NEBL: variants seen among roughly 807,000 people sequenced by gnomAD.
NEBL encodes the protein nebulette.
A neutral mutation model predicts 140.2 loss-of-function variants in NEBL; 122 were observed. The observed-to-expected ratio is 0.87, with a 90% confidence interval of 0.75 to 1.01. NEBL has a LOEUF of 1.01. Among genes scored for constraint, NEBL ranks in the 50% least tolerant of loss-of-function variants. The pLI is 0.00. For missense variants in NEBL, 1,365 were observed against 1,231.3 expected, an observed-to-expected ratio of 1.11 and a Z score of -1.62; for synonymous variants, 436 against 398.9, an observed-to-expected ratio of 1.09 and a Z score of -1.11.
At chr10:20,787,012 C>T (rs1011869030) in intron 27 of NEBL, among the ~76,000 whole-genome samples, 190 bp downstream of exon 27, 5 of 152,166 alleles carry the variant, frequency 3.3e-5, no homozygotes, top group Admixed American at 2.6e-4. Context: ...TTAATGCCTT[C>T]CTTTCTCAAC....
Position 21,173,849 on chromosome 10 carries a change from GGGCGGC to G in NEBL, c.-22_-17del. ...GGGGGTTCATGATCGCGGTTCCCGGGGGCGGCGGCGGCGGCGGCTGCTGGCTCCCAG... is the reference window on the plus strand; with the variant it reads ...GGGGGTTCATGATCGCGGTTCCCGGGGGCGGCGGCGGCTGCTGGCTCCCAG... On this transcript the variant is annotated 5_prime_UTR_variant, in exon 1 of 7. Transcript: ENST00000417816. The surrounding 1 kb of genome is among the most constrained non-coding windows in gnomAD (Gnocchi z 5.7). 1 of 1,609,086 alleles carries G rather than the reference GGGCGGC, an allele frequency of 6.2e-7. No individual in the cohort carries two copies.
At chr10:21,049,987 A>G (rs1013562530) in intron 2 of NEBL, among the ~76,000 whole-genome samples, 4 of 152,230 alleles carry the variant, frequency 2.6e-5, no homozygotes, top group African/African-American at 9.6e-5. Flanking sequence ...CAAAGTGAAC[A>G]TGAAAGGTTA....
chr10:21,130,052 GA>G (rs1477514124), intron 2 of NEBL, among the ~76,000 whole-genome samples: 1 of 151,832 alleles, frequency 6.6e-6, no homozygotes, highest in African/African-American at 2.4e-5. Context: ...AATGAACGGA[GA>G]AAAAGATATC....
At chr10:21,132,061 TA>T (rs1208378374) in intron 2 of NEBL, among the ~76,000 whole-genome samples, 13 of 152,282 alleles carry the variant, frequency 8.5e-5, no homozygotes, top group Admixed American at 3.3e-4. Flanking sequence ...AGTTATGCAA[TA>T]ATAACCATTA....
At chr10:21,075,739 T>C (rs1444502909) in intron 2 of NEBL, among the ~76,000 whole-genome samples, 2 of 152,194 alleles carry the variant, frequency 1.3e-5, no homozygotes, top group African/African-American at 4.8e-5. Flanking sequence ...AAATCGTCAG[T>C]CCACTTGAAT....
intron 12 of NEBL, among the ~76,000 whole-genome samples, chr10:20,841,186 A>G (rs1002496423): frequency 6.6e-6 from 1 of 152,134 alleles, no homozygotes; most frequent in African/African-American, 2.4e-5. Context: ...ACTATTTTTG[A>G]AAGTTCTATA....
chr10:21,085,334 C>T (rs530473027), intron 2 of NEBL, among the ~76,000 whole-genome samples: 5 of 152,068 alleles, frequency 3.3e-5, no homozygotes, highest in Non-Finnish European at 7.3e-5. Flanking sequence ...TTTAAAACAG[C>T]ACGTAGGCCA....
At chr10:21,177,560 C>T (rs1434197019), upstream of NEBL, among the ~76,000 whole-genome samples, 1 of 151,002 alleles carries the variant, frequency 6.6e-6, no homozygotes, top group African/African-American at 2.4e-5. Context: ...GATGGAGTCT[C>T]GCTCTGTCCC....
intron 4 of NEBL, chr10:20,961,586 C>A: frequency 9.8e-7 from 1 of 1,017,530 alleles, no homozygotes; most frequent in Non-Finnish European, 1.6e-6. Context: ...CACAGCAACA[C>A]AAACACTTCC....
chr10:20,930,879 T>C (rs1392120988), intron 4 of NEBL, among the ~76,000 whole-genome samples: 1 of 152,250 alleles, frequency 6.6e-6, no homozygotes, highest in East Asian at 1.9e-4. Flanking sequence ...GGCAATATTG[T>C]ATGTCCATTT....
rs371069212 is a variant in NEBL, at chr10:20,897,193, C to T, written c.13G>A (p.Val5Ile). 21 of 1,596,170 alleles carry T rather than the reference C, an allele frequency of 1.3e-5. No individual in the cohort carries two copies. The highest frequency in any genetic ancestry group is 1.5e-5 in the Non-Finnish European group (18 of 1,168,032). ...GTTTCATCTTTTATATCCTCAAATA[C>T]AGGGACCCTCATTTTTACCCTTTAA... MRVP[V>I]FEDIKDETEE... Residue 5 changes from valine to isoleucine, a missense_variant, in exon 1 of 28, where the codon GTA becomes ATA. Val to Ile is a conservative substitution (Grantham distance 29). Transcript: ENST00000377122.
intron 2 of NEBL, among the ~76,000 whole-genome samples, chr10:21,085,658 A>C (rs1298591632): frequency 6.6e-6 from 1 of 152,166 alleles, no homozygotes; most frequent in Non-Finnish European, 1.5e-5. Context: ...TAAAATTAGA[A>C]ATAAAACAAC....
intron 2 of NEBL, chr10:21,029,292 T>C: frequency 6.2e-7 from 1 of 1,608,448 alleles, no homozygotes; most frequent in Non-Finnish European, 8.5e-7. Flanking sequence ...CCTACACTTC[T>C]TTTCTAGGGA....
intron 2 of NEBL, chr10:21,170,149 C>G (rs143533039): frequency 6.6e-6 from 1 of 152,306 alleles, no homozygotes; most frequent in South Asian, 2.1e-4. Flanking sequence ...TCAGTAGAAC[C>G]TTTTTCTGTC....
intron 3 of NEBL, among the ~76,000 whole-genome samples, chr10:21,188,176 C>A (rs1564539607): frequency 6.6e-6 from 1 of 152,184 alleles, no homozygotes; most frequent in Non-Finnish European, 1.5e-5. Flanking sequence ...GCCCTTAATT[C>A]TCTCATGGAC....
chr10:20,791,793 C>G (rs1454965647), intron 26 of NEBL, among the ~76,000 whole-genome samples: 1 of 152,094 alleles, frequency 6.6e-6, no homozygotes, highest in Non-Finnish European at 1.5e-5. Context: ...AATGTACCCA[C>G]AAGAAACGTT....
chr10:21,180,385 C>G (rs182905112), intron 3 of NEBL, among the ~76,000 whole-genome samples: 1 of 152,140 alleles, frequency 6.6e-6, no homozygotes, highest in African/African-American at 2.4e-5. Context: ...GATTCCTTCT[C>G]GTTGTTGTCC....
chr10:20,783,109 T>C lies in NEBL; in HGVS notation c.*2638A>G, dbSNP rs921827151. On this transcript the variant is annotated 3_prime_UTR_variant, in exon 28 of 28. Transcript: ENST00000377122. ...TTAGCTGTCAGCTTCATGCACGAGA[T>C]ACCTGTTGCCAAACCAAAGGTGGGA... is the stretch of plus-strand genomic sequence containing the variant. The C allele has an allele frequency of 1.3e-5, 2 of 152,630 alleles. No individual in the cohort carries two copies. Among genetic ancestry groups the C allele is most frequent in the Non-Finnish European group, 2.9e-5 (2 of 68,036 alleles). The allele number at this position is 152,630 out of a possible 1,614,324, so 9.5% of individuals were successfully genotyped here. A position where few individuals can be genotyped will look rare whatever the true frequency, so the allele number is the denominator to read the frequency against.
intron 3 of NEBL, among the ~76,000 whole-genome samples, chr10:21,244,066 T>C (rs1440431885): frequency 6.6e-6 from 1 of 152,162 alleles, no homozygotes. Flanking sequence ...TAAGTTTTTT[T>C]AAACTAAAAA....
Sources: allele counts gnomAD v4.1 joint callset (sites outside exome capture counted in the v4.1 genomes callset), GRCh38; gene constraint gnomAD v4.1.1; non-coding constraint Gnocchi (gnomAD v3.1); transcripts MANE v1.5; gene names NCBI Gene and HGNC (gene_info 2026-07-23, HGNC 2026-07-21).